The following UBE2W variants were observed in gnomAD, a reference collection of about 807,000 sequenced individuals.
UBE2W encodes ubiquitin-conjugating enzyme E2 W.
Under a neutral mutation model 27.2 loss-of-function variants are expected in UBE2W, and 18 were observed. The ratio of observed to expected loss-of-function variants is 0.66; its 90% CI spans 0.46 to 0.98. The LOEUF is 0.98. Ranked by LOEUF, UBE2W falls within the 50% of genes least tolerant of loss-of-function variation. The probability of loss-of-function intolerance (pLI) is 0.00; values close to 1 mark genes in which losing one functional copy is unlikely to be tolerated. For synonymous variants in UBE2W, 53 were observed against 57.2 expected (o/e 0.93, Z 0.33); for missense variants, 90 against 180.2 (o/e 0.50, Z 2.87).
At chr8:73,849,657 T>C (rs2130946382) in intron 1 of UBE2W, among the ~76,000 whole-genome samples, 1 of 150,066 alleles carries the variant, frequency 6.7e-6, no homozygotes, top group Non-Finnish European at 1.5e-5. Context: ...AAATGAAAAG[T>C]ACTTAAAAGG....
intron 1 of UBE2W, among the ~76,000 whole-genome samples, chr8:73,861,201 ATAC>A (rs2130971282): frequency 6.6e-6 from 1 of 152,314 alleles, no homozygotes; most frequent in South Asian, 2.1e-4. Context: ...CAAGTAAAGG[ATAC>A]TGACAGAATC....
intron 5 of UBE2W, chr8:73,796,735 C>T: frequency 1.2e-6 from 1 of 817,714 alleles, no homozygotes; most frequent in South Asian, 5.6e-5. Context: ...AGTATAGATA[C>T]AACTATGAGC....
At chr8:73,857,471 T>C (rs1212314241) in intron 1 of UBE2W, among the ~76,000 whole-genome samples, 2 of 118,714 alleles carry the variant, frequency 1.7e-5, no homozygotes, top group African/African-American at 2.7e-5. Flanking sequence ...TGTAAGAGTA[T>C]GTAAGATCAG....
chr8:73,871,281 T>C (rs1811999522), intron 1 of UBE2W, among the ~76,000 whole-genome samples: 1 of 152,172 alleles, frequency 6.6e-6, no homozygotes, highest in Non-Finnish European at 1.5e-5. Context: ...GAACCCAAGG[T>C]TTCTGGCTGA....
chr8:73,805,472 C>CAAAAAAAAAAAAAAAAACAAAACAAA lies in UBE2W; in HGVS notation c.442+178_442+179insTTTGTTTTGTTTTTTTTTTTTTTTTT. Among the ~76,000 whole-genome samples the CAAAAAAAAAAAAAAAAACAAAACAAA allele has an allele frequency of 1.4e-3, 59 of 43,692 alleles. 2 individuals are homozygous for CAAAAAAAAAAAAAAAAACAAAACAAA. Among genetic ancestry groups the CAAAAAAAAAAAAAAAAACAAAACAAA allele is most frequent in the Non-Finnish European group, 2.9e-3 (58 of 20,120 alleles). The allele number at this position is 43,692 out of a possible 152,430, so 28.7% of individuals were successfully genotyped here. A position where few individuals can be genotyped will look rare whatever the true frequency, so the allele number is the denominator to read the frequency against. On this transcript the variant is annotated intron_variant, in intron 5 of 5. Coordinates refer to ENST00000602593, the MANE Select transcript of UBE2W (RefSeq NM_018299.6). ...TCCATCTCAAAAAAAAAAAAAAAAA[C>CAAAAAAAAAAAAAAAAACAAAACAAA]AAAAAAAACTAGGGTAATTCATCCA...
chr8:73,830,428 A>C lies in UBE2W; in HGVS notation c.60T>G (p.Pro20=). The C allele has an allele frequency of 1.2e-6, 2 of 1,613,954 alleles. No individual in the cohort carries two copies. The highest frequency in any genetic ancestry group is 1.7e-6 in the Non-Finnish European group (2 of 1,179,838). Residue 20 remains proline (P), a synonymous_variant, in exon 2 of 6, where the codon CCT becomes CCG. Transcript: ENST00000602593. Reference sequence around the variant, plus strand: ...TCTTCTCATTTAAGGTCATTCCAGGAGGTGGGTCATTTTGCAAAGCCAACA... The same window carrying C: ...TCTTCTCATTTAAGGTCATTCCAGGCGGTGGGTCATTTTGCAAAGCCAACA... ...KELLALQNDP[P]PGMTLNEKSV...
intron 5 of UBE2W, among the ~76,000 whole-genome samples, 191 bp downstream of exon 5, chr8:73,805,460 A>AAAAAACAAAAAC (rs1808843170): frequency 8.6e-6 from 1 of 116,346 alleles, no homozygotes; most frequent in Non-Finnish European, 1.7e-5. Flanking sequence ...ATCTCAAAAA[A>AAAAAACAAAAAC]AAAAAAAAAA....
chr8:73,783,730 C>T (rs1408024383), downstream of UBE2W, among the ~76,000 whole-genome samples: 1 of 152,186 alleles, frequency 6.6e-6, no homozygotes, highest in African/African-American at 2.4e-5. Flanking sequence ...CCACCAGTCC[C>T]TTTGCCCACA....
rs1327329442 is a variant in UBE2W at position 73,787,681 on chromosome 8, A to C, written c.*6421T>G. The C allele has an allele frequency of 8.1e-6, 8 of 985,206 alleles. No homozygotes were observed. The South Asian group carries it at 1.9e-4, about 23-fold the overall frequency. 61.0% of individuals were successfully genotyped at this position (985,206 alleles called of 1,614,324 possible). On this transcript the variant is annotated 3_prime_UTR_variant, in exon 6 of 6. Coordinates refer to ENST00000602593, the MANE Select transcript of UBE2W (RefSeq NM_018299.6). ...GCTGAGATAGCCCCTTCTTGTGGTTATTTCTTTCCTCTTCTTGCAGCTTCA... is the reference window on the plus strand; with the variant it reads ...GCTGAGATAGCCCCTTCTTGTGGTTCTTTCTTTCCTCTTCTTGCAGCTTCA...
chr8:73,787,276 G>A lies in UBE2W; in HGVS notation c.*6826C>T. The A allele has an allele frequency of 3.0e-6, 3 of 985,378 alleles. No individual in the cohort carries two copies. Among genetic ancestry groups the A allele is most frequent in the Non-Finnish European group, 3.6e-6 (3 of 829,922 alleles). 61.0% of individuals were successfully genotyped at this position (985,378 alleles called of 1,614,324 possible). On this transcript the variant is annotated 3_prime_UTR_variant, in exon 6 of 6. Transcript: ENST00000602593. ...CTGTCTCACTTGCTTCTTCAATTTA[G>A]CTTATGTTTAATTTTGTTACGTGTT...
At chr8:73,802,888 T>C (rs1379640841) in intron 5 of UBE2W, among the ~76,000 whole-genome samples, 1 of 152,054 alleles carries the variant, frequency 6.6e-6, no homozygotes, top group Non-Finnish European at 1.5e-5. Context: ...CCGAGCGAGG[T>C]GGCGGGCGCC....
intron 1 of UBE2W, among the ~76,000 whole-genome samples, chr8:73,868,633 G>A (rs1811874638): frequency 6.6e-6 from 1 of 151,404 alleles, no homozygotes; most frequent in South Asian, 2.1e-4. Flanking sequence ...GTGAGACTGA[G>A]CCCTTAACTC....
At position 73,790,220 on chromosome 8, in the gene UBE2W, G is replaced by C; in HGVS notation, c.*3882C>G. On this transcript the variant is annotated 3_prime_UTR_variant, in exon 6 of 6. Transcript: ENST00000602593. ...AGAGAATAAATTAGAAGTGAGAAAA[G>C]GAAACTGCGGAAGACTGACACATTG... 1.0e-6 allele frequency: 1 copy of C among 984,878 alleles called. No individual in the cohort carries two copies. The highest frequency in any genetic ancestry group is 1.2e-6 in the Non-Finnish European group (1 of 829,786). The allele number at this position is 984,878 out of a possible 1,614,324, so 61.0% of individuals were successfully genotyped here.
At chr8:73,805,459 A>AAAAAAAAACAAAC (rs1808842556) in intron 5 of UBE2W, among the ~76,000 whole-genome samples, 192 bp downstream of exon 5, 4 of 134,512 alleles carry the variant, frequency 3.0e-5, no homozygotes, top group Admixed American at 8.1e-5. Flanking sequence ...CATCTCAAAA[A>AAAAAAAAACAAAC]AAAAAAAAAA....
At chr8:73,825,281 G>C in intron 2 of UBE2W, 32 bp from the exon 3 acceptor site, 1 of 1,472,028 alleles carries the variant, frequency 6.8e-7, no homozygotes, top group Non-Finnish European at 9.2e-7. Context: ...AAAAACTTAA[G>C]ATAATAGAGA....
chr8:73,868,785 G>GT (rs1016578798), intron 1 of UBE2W, among the ~76,000 whole-genome samples: 11 of 151,502 alleles, frequency 7.3e-5, no homozygotes, highest in Admixed American at 5.9e-4. Flanking sequence ...AAAAATCATT[G>GT]TTTTTTCTCT....
In UBE2W at chr8:73,788,167, C is replaced by T. The variant is rs779611582; in HGVS notation, c.*5935G>A. The T allele has an allele frequency of 3.0e-5, 29 of 974,776 alleles. No individual in the cohort carries two copies. Among genetic ancestry groups the T allele is most frequent in the Non-Finnish European group, 3.3e-5 (27 of 820,470 alleles). 60.4% of individuals were successfully genotyped at this position (974,776 alleles called of 1,614,324 possible). A position where few individuals can be genotyped will look rare whatever the true frequency, so the allele number is the denominator to read the frequency against. ...CTTTATTATTAAAAGTTATGAAATT[C>T]CATAAAGCAAAGTAATCTGCATTCA... On this transcript the variant is annotated 3_prime_UTR_variant, in exon 6 of 6. Coordinates refer to ENST00000602593, the MANE Select transcript of UBE2W (RefSeq NM_018299.6).
Position 73,878,796 on chromosome 8 carries a change from A to T in UBE2W, c.15+12T>A. On this transcript the variant is annotated intron_variant, in intron 1 of 5. Transcript: ENST00000602593. ...CTCCCTGGCCCGCCCAGATGCAGCAAACTCCTCTCACCTGCATTGACGCCA... is the reference window on the plus strand; with the variant it reads ...CTCCCTGGCCCGCCCAGATGCAGCATACTCCTCTCACCTGCATTGACGCCA... The T allele has an allele frequency of 1.3e-6, 2 of 1,548,716 alleles. No homozygotes were observed. Among genetic ancestry groups the T allele is most frequent in the Non-Finnish European group, 1.7e-6 (2 of 1,144,940 alleles).
intron 1 of UBE2W, among the ~76,000 whole-genome samples, chr8:73,844,961 G>C (rs1307452929): frequency 6.6e-6 from 1 of 151,616 alleles, no homozygotes; most frequent in South Asian, 2.1e-4. Context: ...CAGCCGCCCC[G>C]TCTGGGAAGC....
Sources: allele counts gnomAD v4.1 joint callset (sites outside exome capture counted in the v4.1 genomes callset), GRCh38; gene constraint gnomAD v4.1.1; transcripts MANE v1.5; gene names NCBI Gene and HGNC (gene_info 2026-07-23, HGNC 2026-07-21).